Variants in PSD2 observed in about 807,000 individuals in gnomAD.
PSD2 encodes pleckstrin and Sec7 domain containing 2, also known as PH and SEC7 domain-containing protein 2.
A neutral mutation model predicts 69.8 loss-of-function variants in PSD2; 38 were observed. That is an observed-to-expected ratio of 0.54 (90% CI 0.42 to 0.71). The LOEUF (loss-of-function observed/expected upper bound fraction) is 0.71. Ranked by LOEUF, PSD2 falls within the 30% of genes least tolerant of loss-of-function variation. The probability of loss-of-function intolerance (pLI) is 0.00; values close to 1 mark genes in which losing one functional copy is unlikely to be tolerated. For synonymous variants in PSD2, 412 were observed against 423.0 expected, an observed-to-expected ratio of 0.97 and a Z score of 0.32; for missense variants, 943 against 1,014.5, an observed-to-expected ratio of 0.93 and a Z score of 0.96.
the PSD2 span, among the ~76,000 whole-genome samples, chr5:139,775,741 T>A: frequency 6.6e-6 from 1 of 152,228 alleles, no homozygotes; most frequent in South Asian, 2.1e-4. Context: ...CGATCTCAGC[T>A]CACTGCAACC....
rs1253731412 is a variant in PSD2 at position 139,814,261 on chromosome 5, A to T, written c.913A>T (p.Asn305Tyr). The T allele has an allele frequency of 6.2e-7, 1 of 1,613,754 alleles. No individual in the cohort carries two copies. The highest frequency in any genetic ancestry group is 1.1e-5 in the South Asian group (1 of 91,012). Residue 305 changes from asparagine (N) to tyrosine (Y), a missense_variant, in exon 4 of 15, where the codon AAC (asparagine) becomes TAC (tyrosine). This residue lies in a region of PSD2 where 466 missense variants were observed against 445.0 expected (regional missense o/e 1.05). Transcript: ENST00000274710. This position sits in a 1 kb window ranked among gnomAD's most constrained non-coding sequence, Gnocchi z 4.4. ...LEPGSADPLA[N>Y]GCQGVSEAAH... ...GCCTGGTAGTGCAGACCCTCTGGCC[A>T]ACGGGTGCCAGGGGGTCAGTGAAGC...
the PSD2 span, among the ~76,000 whole-genome samples, chr5:139,748,301 A>G: frequency 6.6e-6 from 1 of 150,832 alleles, no homozygotes; most frequent in Non-Finnish European, 1.5e-5. Context: ...AAGAGCCCCA[A>G]CTCTCTTCTC....
At chr5:139,815,011 T>A (rs1213283018) in intron 4 of PSD2, among the ~76,000 whole-genome samples, 1 of 151,810 alleles carries the variant, frequency 6.6e-6, no homozygotes, top group African/African-American at 2.4e-5. Flanking sequence ...CCTCCCAACG[T>A]CCGCATTAAG....
intron 7 of PSD2, among the ~76,000 whole-genome samples, chr5:139,824,984 T>C (rs1300728739): frequency 6.6e-6 from 1 of 152,096 alleles, no homozygotes; most frequent in African/African-American, 2.4e-5. Flanking sequence ...GCTCCTGAGA[T>C]GGGTGCAGTC....
At chr5:139,750,596 G>A in the PSD2 span, among the ~76,000 whole-genome samples, 4 of 152,172 alleles carry the variant, frequency 2.6e-5, no homozygotes, top group African/African-American at 4.8e-5. Context: ...CAGGGTGAAG[G>A]TTCAGCACAA....
At chr5:139,770,156 G>C in the PSD2 span, among the ~76,000 whole-genome samples, 2 of 152,174 alleles carry the variant, frequency 1.3e-5, no homozygotes. Context: ...AGGTAAGCTT[G>C]TTATGTCTAC....
chr5:139,799,410 G>A (rs1016221220), intron 1 of PSD2, among the ~76,000 whole-genome samples: 50 of 152,160 alleles, frequency 3.3e-4, no homozygotes, highest in Admixed American at 1.3e-4. Flanking sequence ...GGGGAGAGGG[G>A]AAGCCCAGAG....
chr5:139,750,324 CAAAAACAA>C, the PSD2 span, among the ~76,000 whole-genome samples: 1 of 151,698 alleles, frequency 6.6e-6, no homozygotes, highest in Non-Finnish European at 1.5e-5. Context: ...GACTCCATCT[CAAAAACAA>C]AAAAACAAAA....
intron 1 of PSD2, among the ~76,000 whole-genome samples, chr5:139,808,513 G>A (rs531335409): frequency 1.3e-5 from 2 of 152,276 alleles, no homozygotes; most frequent in East Asian, 1.9e-4. Context: ...GGACTCACAC[G>A]AGGTCATGCA....
upstream of PSD2, among the ~76,000 whole-genome samples, chr5:139,792,055 G>C (rs150563428): frequency 5.9e-5 from 9 of 151,934 alleles, no homozygotes; most frequent in African/African-American, 1.9e-4. Flanking sequence ...ACTAGAAATG[G>C]TTGAGGGGGA....
At chr5:139,748,908 G>GGC in the PSD2 span, among the ~76,000 whole-genome samples, 1 of 105,076 alleles carries the variant, frequency 9.5e-6, no homozygotes, top group Non-Finnish European at 2.0e-5. Flanking sequence ...GGGGTATGTT[G>GGC]GGGGGGGTGA....
chr5:139,816,103 T>G (rs1477270481), intron 4 of PSD2, among the ~76,000 whole-genome samples: 1 of 152,156 alleles, frequency 6.6e-6, no homozygotes, highest in Non-Finnish European at 1.5e-5. Context: ...ACTATTTGCT[T>G]CATTCTCATT....
At chr5:139,804,171 T>A (rs1221292357) in intron 1 of PSD2, among the ~76,000 whole-genome samples, 1 of 152,208 alleles carries the variant, frequency 6.6e-6, no homozygotes, top group African/African-American at 2.4e-5. Flanking sequence ...TGTGTTTGTG[T>A]GTCTGAAGAT....
the PSD2 span, among the ~76,000 whole-genome samples, chr5:139,783,683 C>T: frequency 6.6e-6 from 1 of 151,876 alleles, no homozygotes; most frequent in Non-Finnish European, 1.5e-5. Flanking sequence ...CTGTTGGGTT[C>T]TCCCCAGTCT....
At chr5:139,769,856 A>T in the PSD2 span, among the ~76,000 whole-genome samples, 1 of 152,254 alleles carries the variant, frequency 6.6e-6, no homozygotes, top group African/African-American at 2.4e-5. Context: ...GAGGTGGGGC[A>T]GCTTCATTGA....
At chr5:139,786,914 T>A in the PSD2 span, among the ~76,000 whole-genome samples, 1 of 152,332 alleles carries the variant, frequency 6.6e-6, no homozygotes, top group South Asian at 2.1e-4. Flanking sequence ...CTGTACTGCC[T>A]GACCTACTCC....
chr5:139,841,162 T>G (rs1760861059), intron 14 of PSD2, among the ~76,000 whole-genome samples: 2 of 152,230 alleles, frequency 1.3e-5, no homozygotes, highest in Admixed American at 1.3e-4. Flanking sequence ...TTATTTTACT[T>G]AGCATAATGT....
the PSD2 span, among the ~76,000 whole-genome samples, chr5:139,786,505 C>T: frequency 6.6e-6 from 1 of 152,210 alleles, no homozygotes; most frequent in African/African-American, 2.4e-5. Context: ...GTTTGCTGTG[C>T]AGCAGCTGTC....
chr5:139,762,744 C>T, the PSD2 span, among the ~76,000 whole-genome samples: 5 of 152,052 alleles, frequency 3.3e-5, no homozygotes, highest in Admixed American at 1.3e-4. Context: ...AGACCCCTCC[C>T]GGCAGACCCC....
Sources: gnomAD v4.1 joint callset for allele counts (sites outside exome capture counted in the v4.1 genomes callset) on GRCh38, gnomAD v4.1.1 for gene constraint, gnomAD v4.1.1 regional missense constraint, Gnocchi (gnomAD v3.1) non-coding constraint, MANE v1.5 for transcripts, NCBI Gene and HGNC (gene_info 2026-07-23, HGNC 2026-07-21) for gene names.